The following CMKLR1 variants were observed in gnomAD, a reference collection of about 807,000 sequenced individuals.
CMKLR1 encodes chemerin-like receptor 1.
Under a neutral mutation model 8.2 loss-of-function variants are expected in CMKLR1, and 6 were observed. That is an observed-to-expected ratio of 0.73 (90% CI 0.40 to 1.44). The LOEUF is 1.44. CMKLR1 is among the 40% of genes most tolerant of loss of function. CMKLR1 has a pLI of 0.02. For missense variants in CMKLR1, 429 were observed against 478.0 expected (o/e 0.90, Z 0.96); for synonymous variants, 178 against 181.2 (o/e 0.98, Z 0.14).
chr12:108,338,001 T>C (rs113564014), intron 1 of CMKLR1, among the ~76,000 whole-genome samples: 3 of 152,058 alleles, frequency 2.0e-5, no homozygotes, highest in African/African-American at 7.2e-5. Context: ...CTTTCCCTAA[T>C]AGAAAAAGAA....
At chr12:108,309,806 T>C (rs2137315102) in intron 2 of CMKLR1, among the ~76,000 whole-genome samples, 1 of 152,324 alleles carries the variant, frequency 6.6e-6, no homozygotes, top group Non-Finnish European at 1.5e-5. Context: ...CAATTTGCCA[T>C]TGAGTTTGTC....
intron 2 of CMKLR1, among the ~76,000 whole-genome samples, chr12:108,307,867 T>C (rs1891449136): frequency 6.6e-6 from 1 of 152,184 alleles, no homozygotes; most frequent in Non-Finnish European, 1.5e-5. Context: ...TTCTGGGGCA[T>C]GTGGACCACC....
At position 108,292,270 on chromosome 12, in the gene CMKLR1, G is replaced by C. The variant is rs1003588393; in HGVS notation, c.693C>G (p.Val231=). 6.2e-7 allele frequency: 1 copy of C among 1,614,192 alleles called. No homozygotes were observed. Among genetic ancestry groups the C allele is most frequent in the Non-Finnish European group, 8.5e-7 (1 of 1,180,034 alleles). Residue 231 remains valine (V), a synonymous_variant, in exon 4 of 4, where the codon GTC becomes GTG. Coordinates refer to ENST00000550402, the MANE Select transcript of CMKLR1 (RefSeq NM_001142343.2). The part of the protein sequence containing the change: ...TVTRFLCGFL[V]PVLIITACYL... ...AGCAAGCTGTGATGATGAGGACTGGGACCAGGAAGCCACAGAGGAAGCGGG... is the reference window on the plus strand; with the variant it reads ...AGCAAGCTGTGATGATGAGGACTGGCACCAGGAAGCCACAGAGGAAGCGGG...
intron 2 of CMKLR1, among the ~76,000 whole-genome samples, chr12:108,298,297 T>C (rs1329866118): frequency 6.6e-6 from 1 of 152,202 alleles, no homozygotes; most frequent in Non-Finnish European, 1.5e-5. Flanking sequence ...CCAAACACTG[T>C]ATCAAGCACT....
At chr12:108,293,163 T>A (rs567450054) in intron 3 of CMKLR1, among the ~76,000 whole-genome samples, 1 of 152,268 alleles carries the variant, frequency 6.6e-6, no homozygotes, top group East Asian at 1.9e-4. Context: ...CATTCTACAC[T>A]CTCTTAATCT....
Position 108,331,621 on chromosome 12 carries a change from C to T in CMKLR1, c.-286-1414G>A, listed in dbSNP as rs376109714. The stretch of plus-strand genomic sequence containing the variant: ...TACATGGCAAAAGACACTTTGCAGA[C>T]GTCATTAGGAATCTTGAGATGGTGG... On this transcript the variant is annotated intron_variant, in intron 1 of 3. Transcript: ENST00000550402. Among the ~76,000 whole-genome samples, 11 of 152,304 alleles carry T rather than the reference C, an allele frequency of 7.2e-5. No individual in the cohort carries two copies. In the East Asian group the frequency reaches 1.4e-3, roughly 19 times the overall value.
chr12:108,302,951 A>T (rs1256848859), intron 2 of CMKLR1, among the ~76,000 whole-genome samples: 1 of 152,110 alleles, frequency 6.6e-6, no homozygotes, highest in Non-Finnish European at 1.5e-5. Context: ...GGGTATAATT[A>T]TGTCAACCCT....
At chr12:108,301,696 A>G (rs753109994) in intron 2 of CMKLR1, among the ~76,000 whole-genome samples, 6 of 152,226 alleles carry the variant, frequency 3.9e-5, no homozygotes, top group Non-Finnish European at 7.3e-5. Context: ...AAGGGGGTGT[A>G]TCCTTCCCCC....
In CMKLR1 at chr12:108,310,381, C is replaced by T. The variant is rs73409566; in HGVS notation, c.-73-16717G>A. ...ACCTGGGTGGCTGATGTGGGCACTG[C>T]GTTGGAAGAGGAAAGGCTGGAGGCA... is the stretch of plus-strand genomic sequence containing the variant. On this transcript the variant is annotated intron_variant, in intron 2 of 3. Transcript: ENST00000550402. 5.3e-5 allele frequency among the ~76,000 whole-genome samples: 8 copies of T among 152,062 alleles called. No homozygotes were observed. The East Asian group carries it at 1.5e-3, about 29-fold the overall frequency.
rs1890937282 is a variant in CMKLR1, at chr12:108,290,608, T to A, written c.*1233A>T. ...GATGCTGGGCAAGTTACTTTCCCCA[T>A]CTGGGCCTCAGCTATGTCATTTGTA... On this transcript the variant is annotated 3_prime_UTR_variant, in exon 4 of 4. Transcript: ENST00000550402. 1 of 152,206 alleles carries A rather than the reference T, an allele frequency of 6.6e-6. No individual in the cohort carries two copies. Among genetic ancestry groups the A allele is most frequent in the Non-Finnish European group, 1.5e-5 (1 of 68,034 alleles). 9.4% of individuals were successfully genotyped at this position (152,206 alleles called of 1,614,324 possible). A position where few individuals can be genotyped will look rare whatever the true frequency, so the allele number is the denominator to read the frequency against.
At chr12:108,305,392 G>GC (rs1891381803) in intron 2 of CMKLR1, among the ~76,000 whole-genome samples, 2 of 152,212 alleles carry the variant, frequency 1.3e-5, no homozygotes, top group African/African-American at 4.8e-5. Flanking sequence ...TCAACCAGCA[G>GC]CTGAAATGTA....
chr12:108,308,455 G>A (rs887890575), intron 2 of CMKLR1, among the ~76,000 whole-genome samples: 9 of 151,908 alleles, frequency 5.9e-5, no homozygotes, highest in African/African-American at 1.9e-4. Context: ...GGGTAGCCCC[G>A]CCCGGACCTC....
rs559183362 is a variant in CMKLR1, at chr12:108,310,950, C to T, written c.-73-17286G>A. On this transcript the variant is annotated intron_variant, in intron 2 of 3. Transcript: ENST00000550402. ...GTGAGGCAGGTAAGTTCGAAGACCG[C>T]CCCCCCACCCCCCGCCCAGGAGATG... Among the ~76,000 whole-genome samples, 28 of 145,640 alleles carry T rather than the reference C, an allele frequency of 1.9e-4. No homozygotes were observed. The South Asian group carries it at 6.0e-3, about 31-fold the overall frequency.
In CMKLR1 at chr12:108,291,852, C is replaced by T. The variant is rs149078040; in HGVS notation, c.1111G>A (p.Gly371Ser). 392 of 1,611,942 alleles carry T rather than the reference C, an allele frequency of 2.4e-4. No homozygotes were observed. Among genetic ancestry groups the T allele is most frequent in the Middle Eastern group, 3.3e-4 (2 of 5,996 alleles). The change falls in exon 4 of 4, where the codon GGC becomes AGC. Residue 371 changes from glycine (G) to serine (S), a missense_variant. Gly to Ser is a moderately conservative substitution (Grantham distance 56, BLOSUM62 0). Coordinates refer to ENST00000550402, the MANE Select transcript of CMKLR1 (RefSeq NM_001142343.2). ...TTCCACAGTGAGGATCAAAGCATGC[C>T]GGTCTCCCTCTCATTCATAGAAGTC... ...ERTSMNERET[G>S]ML
chr12:108,294,935 A>G (rs923702687), intron 2 of CMKLR1, among the ~76,000 whole-genome samples: 5 of 152,254 alleles, frequency 3.3e-5, no homozygotes, highest in Admixed American at 2.6e-4. Context: ...TTTATTAAAT[A>G]AAAGCCACTT....
intron 1 of CMKLR1, among the ~76,000 whole-genome samples, chr12:108,336,630 T>C (rs576578854): frequency 2.1e-3 from 327 of 152,314 alleles, no homozygotes; most frequent in African/African-American, 7.2e-3. Context: ...CTGAGTCTAC[T>C]TCATAGCCTC....
Position 108,301,658 on chromosome 12 carries a change from C to T in CMKLR1, c.-73-7994G>A, listed in dbSNP as rs571717565. Among the ~76,000 whole-genome samples, 121 of 152,348 alleles carry T rather than the reference C, an allele frequency of 7.9e-4. 1 individual carries two copies. Among genetic ancestry groups the T allele is most frequent in the African/African-American group, 2.8e-3 (118 of 41,570 alleles). ...GAGCCAAGCCCATTAGAAATGTCGT[C>T]ACAGACTTTTTCCAAAACAACCTTG... On this transcript the variant is annotated intron_variant, in intron 2 of 3. Coordinates refer to ENST00000550402, the MANE Select transcript of CMKLR1 (RefSeq NM_001142343.2).
chr12:108,328,579 C>T (rs1027241672), intron 2 of CMKLR1, among the ~76,000 whole-genome samples: 22 of 152,228 alleles, frequency 1.4e-4, no homozygotes, highest in South Asian at 6.2e-4. Context: ...CCTCTATCCA[C>T]CCGGTGGCCA....
intron 2 of CMKLR1, among the ~76,000 whole-genome samples, chr12:108,301,418 A>G (rs1048289309): frequency 6.6e-6 from 1 of 151,512 alleles, no homozygotes; most frequent in African/African-American, 2.4e-5. Flanking sequence ...TCTGATTCTC[A>G]CTCTGTCTAG....
Sources: gnomAD v4.1 joint callset for allele counts (sites outside exome capture counted in the v4.1 genomes callset) on GRCh38, gnomAD v4.1.1 for gene constraint, MANE v1.5 for transcripts, NCBI Gene and HGNC (gene_info 2026-07-23, HGNC 2026-07-21) for gene names.